DGKB: variants seen among roughly 807,000 people sequenced by gnomAD.
The protein encoded by DGKB is diacylglycerol kinase beta, also known as 90 kDa diacylglycerol kinase.
DGKB carries 67 observed loss-of-function variants against 114.3 expected under a neutral mutation model. That is an observed-to-expected ratio of 0.59 (90% CI 0.48 to 0.72). DGKB has a LOEUF of 0.72. DGKB is among the 30% of genes least tolerant of loss of function. DGKB has a pLI of 0.00. For missense variants in DGKB, 907 were observed against 975.2 expected (o/e 0.93, Z 0.93); for synonymous variants, 398 against 323.1 (o/e 1.23, Z -2.49).
Position 14,667,078 on chromosome 7 carries a change from C to T in DGKB, c.1134+5851G>A, listed in dbSNP as rs60022106. ...CTGTGAAAGCCGTTTGTAATGCATG[C>T]TTATAAAAAGCATTTCATCAGTGCA... is the stretch of plus-strand genomic sequence containing the variant. On this transcript the variant is annotated intron_variant, in intron 13 of 25. Coordinates refer to ENST00000402815, the MANE Select transcript of DGKB (RefSeq NM_001350709.2). 7.0e-3 allele frequency among the ~76,000 whole-genome samples: 1,057 copies of T among 152,082 alleles called. 11 individuals are homozygous for T. The highest frequency in any genetic ancestry group is 0.024 in the African/African-American group (997 of 41,510).
intron 20 of DGKB, among the ~76,000 whole-genome samples, chr7:14,553,382 T>C (rs763535527): frequency 6.6e-6 from 1 of 152,206 alleles, no homozygotes; most frequent in Non-Finnish European, 1.5e-5. Flanking sequence ...GTTTATCTTC[T>C]AGTGCTCTGA....
At chr7:14,939,061 T>G (rs528593077) in intron 1 of DGKB, among the ~76,000 whole-genome samples, 4 of 110,478 alleles carry the variant, frequency 3.6e-5, no homozygotes, top group African/African-American at 1.3e-4. Flanking sequence ...CTTTCTCTAT[T>G]TTTTTTCTCT....
intron 20 of DGKB, among the ~76,000 whole-genome samples, chr7:14,518,868 T>C (rs578071240): frequency 6.6e-6 from 1 of 152,148 alleles, no homozygotes; most frequent in Non-Finnish European, 1.5e-5. Context: ...TACAGATTCT[T>C]TGGGTCCTTT....
rs565699750 is a variant in DGKB, at chr7:14,754,053, G to A, written c.148-105C>T. On this transcript the variant is annotated intron_variant, in intron 3 of 25. Coordinates refer to ENST00000402815, the MANE Select transcript of DGKB (RefSeq NM_001350709.2). ...AGCTAAAAGTTCAAGTTTACAGGTT[G>A]ATTTTAAAACACACCCTAGATCCAT... 35 of 829,420 alleles carry A rather than the reference G, an allele frequency of 4.2e-5. No individual in the cohort carries two copies. The East Asian group carries it at 8.8e-4, about 21-fold the overall frequency. The allele number at this position is 829,420 out of a possible 1,614,324, so 51.4% of individuals were successfully genotyped here.
intron 1 of DGKB, among the ~76,000 whole-genome samples, chr7:14,971,289 C>T (rs937174853): frequency 2.6e-5 from 4 of 152,182 alleles, no homozygotes; most frequent in Non-Finnish European, 4.4e-5. Context: ...AAATATATTT[C>T]GAAGTGCCCC....
At chr7:14,565,341 T>G (rs1433831907) in intron 20 of DGKB, among the ~76,000 whole-genome samples, 2 of 152,072 alleles carry the variant, frequency 1.3e-5, no homozygotes, top group Non-Finnish European at 2.9e-5. Flanking sequence ...AATCTTCCAC[T>G]AAAGGCACAA....
chr7:14,929,500 T>C (rs1257343357), intron 1 of DGKB, among the ~76,000 whole-genome samples: 1 of 152,194 alleles, frequency 6.6e-6, no homozygotes. Flanking sequence ...TTCATATACC[T>C]GTTGGCCATT....
intron 21 of DGKB, among the ~76,000 whole-genome samples, chr7:14,469,683 A>G (rs10235540): frequency 0.35 from 53,069 of 151,804 alleles, 9,903 homozygotes; most frequent in Admixed American, 0.47. Flanking sequence ...TCATTTAACC[A>G]TTCTCATTTC....
At chr7:14,869,366 T>G (rs995424565) in intron 1 of DGKB, among the ~76,000 whole-genome samples, 4 of 152,148 alleles carry the variant, frequency 2.6e-5, no homozygotes, top group African/African-American at 9.7e-5. Context: ...GGTCCGTAAT[T>G]TCTTGTATAT....
intron 2 of DGKB, among the ~76,000 whole-genome samples, chr7:14,789,591 C>A (rs1321431392): frequency 2.0e-5 from 3 of 151,980 alleles, no homozygotes; most frequent in Admixed American, 1.3e-4. Context: ...ATGAGACAGT[C>A]TCATCCTGTC....
intron 1 of DGKB, among the ~76,000 whole-genome samples, chr7:14,934,115 A>G (rs1394260677): frequency 6.6e-6 from 1 of 152,156 alleles, no homozygotes; most frequent in Non-Finnish European, 1.5e-5. Context: ...GAGCATTTGA[A>G]TGACTTGTCA....
chr7:14,888,092 G>A (rs1380984790), intron 1 of DGKB, among the ~76,000 whole-genome samples: 3 of 151,690 alleles, frequency 2.0e-5, no homozygotes, highest in Non-Finnish European at 2.9e-5. Context: ...TTGCAACAAG[G>A]TGTAAATCTA....
chr7:14,825,903 AG>A (rs1315635500), intron 2 of DGKB, among the ~76,000 whole-genome samples: 2 of 152,190 alleles, frequency 1.3e-5, no homozygotes, highest in Admixed American at 1.3e-4. Context: ...GGAGGATTGA[AG>A]GAACACAAAC....
Position 14,682,552 on chromosome 7 carries a change from C to T in DGKB, c.1035+1G>A. 1.2e-6 allele frequency: 2 copies of T among 1,605,962 alleles called. No individual in the cohort carries two copies. The highest frequency in any genetic ancestry group is 1.7e-6 in the Non-Finnish European group (2 of 1,172,988). On this transcript the variant is annotated splice_donor_variant, in intron 12 of 25. Coordinates refer to ENST00000402815, the MANE Select transcript of DGKB (RefSeq NM_001350709.2). LOFTEE classifies it high-confidence loss of function. Reference sequence around the variant, plus strand: ...GGATTTGTTTTCCAATTTTTACTCACTGTGATCTGACACCAAACACAATGC... The same window carrying T: ...GGATTTGTTTTCCAATTTTTACTCATTGTGATCTGACACCAAACACAATGC...
intron 5 of DGKB, among the ~76,000 whole-genome samples, chr7:14,729,336 A>G (rs552276812): frequency 4.7e-5 from 7 of 150,224 alleles, no homozygotes; most frequent in Non-Finnish European, 7.4e-5. Flanking sequence ...GTTAGCCAGG[A>G]TGGTCTCGAT....
chr7:14,803,963 T>C (rs1465206539), intron 2 of DGKB, among the ~76,000 whole-genome samples: 1 of 152,128 alleles, frequency 6.6e-6, no homozygotes, highest in African/African-American at 2.4e-5. Flanking sequence ...TCCAGAATTT[T>C]AGTACTTTCT....
rs1554304221 is a variant in DGKB at position 14,852,487 on chromosome 7, C to CAAAAAAAAACAAACAAACAA, written c.-187-11038_-187-11037insTTGTTTGTTTGTTTTTTTTT. Reference sequence around the variant, plus strand: ...GAGGAATAGCTAAAATAGTGAAAGTCAAAAAAAAAACAGAAATCAAGCATA... The same window carrying CAAAAAAAAACAAACAAACAA: ...GAGGAATAGCTAAAATAGTGAAAGTCAAAAAAAAACAAACAAACAAAAAAAAAAAACAGAAATCAAGCATA... On this transcript the variant is annotated intron_variant, in intron 1 of 25. Coordinates refer to ENST00000402815, the MANE Select transcript of DGKB (RefSeq NM_001350709.2). Among the ~76,000 whole-genome samples the CAAAAAAAAACAAACAAACAA allele has an allele frequency of 5.3e-4, 34 of 63,616 alleles. 4 individuals carry two copies. Among genetic ancestry groups the CAAAAAAAAACAAACAAACAA allele is most frequent in the Admixed American group, 2.7e-3 (17 of 6,210 alleles). The allele number at this position is 63,616 out of a possible 152,430, so 41.7% of individuals were successfully genotyped here. A position where few individuals can be genotyped will look rare whatever the true frequency, so the allele number is the denominator to read the frequency against.
chr7:14,344,161 A>G (rs1479461058), intron 22 of DGKB, among the ~76,000 whole-genome samples: 7 of 151,142 alleles, frequency 4.6e-5, no homozygotes, highest in Admixed American at 6.6e-5. Flanking sequence ...GTAATAACAG[A>G]AAGTCCACGT....
chr7:14,309,042 C>A (rs1804938453), intron 23 of DGKB, among the ~76,000 whole-genome samples: 2 of 152,014 alleles, frequency 1.3e-5, no homozygotes, highest in Non-Finnish European at 2.9e-5. Flanking sequence ...ATGGTAAGGC[C>A]TCATCTTACA....
Sources: allele counts gnomAD v4.1 joint callset (sites outside exome capture counted in the v4.1 genomes callset), GRCh38; gene constraint gnomAD v4.1.1; transcripts MANE v1.5; gene names NCBI Gene and HGNC (gene_info 2026-07-23, HGNC 2026-07-21).